DOCK9: variants seen among roughly 807,000 people sequenced by gnomAD.
The protein encoded by DOCK9 is dedicator of cytokinesis protein 9.
DOCK9 carries 89 observed loss-of-function variants against 263.3 expected under a neutral mutation model. That is an observed-to-expected ratio of 0.34 (90% CI 0.28 to 0.40). The LOEUF (loss-of-function observed/expected upper bound fraction) is 0.40. Among genes scored for constraint, DOCK9 ranks in the 10% least tolerant of loss-of-function variants. The pLI is 1.00. For synonymous variants in DOCK9, 976 were observed against 973.1 expected (o/e 1.00, Z -0.06); for missense variants, 2,140 against 2,603.4 (o/e 0.82, Z 3.87).
At chr13:99,026,788 TA>T (rs2142038177) in intron 1 of DOCK9, among the ~76,000 whole-genome samples, 1 of 152,326 alleles carries the variant, frequency 6.6e-6, no homozygotes, top group East Asian at 1.9e-4. Flanking sequence ...TATTCATATT[TA>T]AAAATCGGCT....
intron 1 of DOCK9, among the ~76,000 whole-genome samples, chr13:98,956,108 A>T (rs866178484): frequency 1.3e-5 from 2 of 152,260 alleles, no homozygotes; most frequent in Non-Finnish European, 1.5e-5. Flanking sequence ...AGCCCAAACC[A>T]GCCAAGAGGC....
chr13:99,000,088 C>G (rs747604129), intron 1 of DOCK9, among the ~76,000 whole-genome samples: 2 of 152,170 alleles, frequency 1.3e-5, no homozygotes, highest in African/African-American at 4.8e-5. Context: ...CTACCTGACC[C>G]CCTAAATCAG....
intron 1 of DOCK9, among the ~76,000 whole-genome samples, chr13:98,961,242 A>G (rs1460780062): frequency 6.6e-6 from 1 of 152,160 alleles, no homozygotes; most frequent in Non-Finnish European, 1.5e-5. Flanking sequence ...TGAACTCCCT[A>G]CCAACAACAG....
At chr13:98,892,120 T>C (rs1384219057) in intron 15 of DOCK9, among the ~76,000 whole-genome samples, 1 of 152,202 alleles carries the variant, frequency 6.6e-6, no homozygotes, top group African/African-American at 2.4e-5. Context: ...ACGAATTAAG[T>C]AAGCATGCAA....
intron 1 of DOCK9, among the ~76,000 whole-genome samples, chr13:99,040,109 T>C (rs924307533): frequency 6.6e-5 from 10 of 152,156 alleles, no homozygotes; most frequent in African/African-American, 2.4e-4. Context: ...GCCCCAGGAA[T>C]AGTGCCCTTA....
At chr13:98,932,155 G>A (rs2054054283) in intron 2 of DOCK9, among the ~76,000 whole-genome samples, 1 of 152,132 alleles carries the variant, frequency 6.6e-6, no homozygotes. Flanking sequence ...TACTTTGGGA[G>A]GCTGAGGTGG....
At chr13:99,038,601 C>T (rs1323776733) in intron 1 of DOCK9, among the ~76,000 whole-genome samples, 6 of 152,172 alleles carry the variant, frequency 3.9e-5, no homozygotes, top group South Asian at 4.2e-4. Context: ...CCACCACGTC[C>T]GGCTTATGCC....
intron 33 of DOCK9, 74 bp downstream of exon 33, chr13:98,860,331 G>A (rs374232129): frequency 1.1e-4 from 173 of 1,546,216 alleles, no homozygotes; most frequent in Non-Finnish European, 1.3e-4. Context: ...AGTGTGACAC[G>A]TTCACCAACT....
chr13:98,932,398 AAAC>A (rs1253081785), intron 2 of DOCK9, among the ~76,000 whole-genome samples: 3 of 101,450 alleles, frequency 3.0e-5, no homozygotes, highest in East Asian at 2.3e-4. Context: ...CCATCTCAAA[AAAC>A]AACAACAAAC....
chr13:98,965,097 G>A (rs1201431482), intron 1 of DOCK9, among the ~76,000 whole-genome samples: 2 of 152,144 alleles, frequency 1.3e-5, no homozygotes, highest in African/African-American at 4.8e-5. Context: ...CTGGACTATA[G>A]CCTGCAGGGA....
chr13:98,829,377 G>A lies in DOCK9; in HGVS notation c.4895C>T (p.Thr1632Met), dbSNP rs1594426273. 6.2e-7 allele frequency: 1 copy of A among 1,613,704 alleles called. No homozygotes were observed. Among genetic ancestry groups the A allele is most frequent in the Non-Finnish European group, 8.5e-7 (1 of 1,179,816 alleles). Residue 1632 changes from threonine to methionine, a missense_variant, in exon 43 of 53, where the codon ACG (threonine) becomes ATG (methionine). Around this residue, in one of 2 missense-constraint regions of DOCK9, gnomAD observed 619 missense variants for 861.8 expected, o/e 0.72. Coordinates refer to ENST00000682017, the MANE Select transcript of DOCK9 (RefSeq NM_001366683.2). The surrounding 1 kb of genome is among the most constrained non-coding windows in gnomAD (Gnocchi z 4.1). Reference sequence around the variant, plus strand: ...GAGCCACGTCTTCCTGAGCTCGGGCGTGCTGGCATAGGATTTGGCCAGGCT... The same window carrying A: ...GAGCCACGTCTTCCTGAGCTCGGGCATGCTGGCATAGGATTTGGCCAGGCT... ...QYSLAKSYAS[T>M]PELRKTWLDS...
chr13:98,885,140 T>C (rs1224003402), intron 20 of DOCK9, 48 bp from the exon 21 acceptor site: 2 of 1,593,892 alleles, frequency 1.3e-6, no homozygotes, highest in African/African-American at 1.3e-5. Context: ...TGTGAGTGTA[T>C]GAAAACTTAT....
At chr13:98,836,236 A>C (rs9300517) in intron 39 of DOCK9, among the ~76,000 whole-genome samples, 73,093 of 151,914 alleles carry the variant, frequency 0.48, 17,964 homozygotes, top group East Asian at 0.67. Context: ...GGGGCACAGG[A>C]GGAGAGGGGA....
upstream of DOCK9, among the ~76,000 whole-genome samples, chr13:98,980,988 A>G (rs1877040676): frequency 6.6e-6 from 1 of 152,146 alleles, no homozygotes; most frequent in Non-Finnish European, 1.5e-5. Context: ...AAAGGAAAAC[A>G]TGATCAGTTC....
intron 44 of DOCK9, among the ~76,000 whole-genome samples, chr13:98,826,526 G>C (rs2092546283): frequency 6.6e-6 from 1 of 152,138 alleles, no homozygotes; most frequent in South Asian, 2.1e-4. Context: ...TATCTTAAGG[G>C]AAAAATAGTA....
chr13:98,940,640 T>C (rs2055670701), intron 2 of DOCK9, among the ~76,000 whole-genome samples: 1 of 152,210 alleles, frequency 6.6e-6, no homozygotes, highest in African/African-American at 2.4e-5. Context: ...TAACATAGAT[T>C]CTATAATCCA....
chr13:99,017,643 G>T (rs182597990), intron 1 of DOCK9, among the ~76,000 whole-genome samples: 5 of 152,260 alleles, frequency 3.3e-5, no homozygotes, highest in East Asian at 1.9e-4. Context: ...TCTAAATCAG[G>T]AGTGTCCAAT....
chr13:98,861,608 G>A (rs559062992), intron 32 of DOCK9, among the ~76,000 whole-genome samples: 3 of 152,290 alleles, frequency 2.0e-5, no homozygotes, highest in Admixed American at 2.0e-4. Context: ...TTTTGCAACT[G>A]AAATGTGACA....
intron 3 of DOCK9, among the ~76,000 whole-genome samples, chr13:98,928,931 GA>G (rs1337221829): frequency 6.6e-6 from 1 of 151,962 alleles, no homozygotes; most frequent in African/African-American, 2.4e-5. Flanking sequence ...AAAGATGAGG[GA>G]ACACACTTAA....
Sources: gnomAD v4.1 joint callset for allele counts (sites outside exome capture counted in the v4.1 genomes callset) on GRCh38, gnomAD v4.1.1 for gene constraint, gnomAD v4.1.1 regional missense constraint, Gnocchi (gnomAD v3.1) non-coding constraint, MANE v1.5 for transcripts, NCBI Gene and HGNC (gene_info 2026-07-23, HGNC 2026-07-21) for gene names.